SLC44A5: variants seen among roughly 807,000 people sequenced by gnomAD.
The protein encoded by SLC44A5 is solute carrier family 44 member 5, also known as choline transporter-like protein 5.
In SLC44A5, 57 loss-of-function variants were observed where a neutral mutation model predicts 101.8. The observed-to-expected ratio is 0.56, with a 90% confidence interval of 0.45 to 0.70. SLC44A5 has a LOEUF of 0.70. SLC44A5 is among the 30% of genes least tolerant of loss of function. SLC44A5 has a pLI of 0.00. For missense variants in SLC44A5, 737 were observed against 853.1 expected, an observed-to-expected ratio of 0.86 and a Z score of 1.70; for synonymous variants, 281 against 290.9, an observed-to-expected ratio of 0.97 and a Z score of 0.35.
At chr1:75,553,456 G>A (rs1051853363) in intron 1 of SLC44A5, among the ~76,000 whole-genome samples, 1 of 152,122 alleles carries the variant, frequency 6.6e-6, no homozygotes, top group African/African-American at 2.4e-5. Context: ...ACTGGTCTGA[G>A]GGAAGCTAGA....
rs753163680 is a variant in SLC44A5 at position 75,215,829 on chromosome 1, T to C, written c.1653A>G (p.Leu551=). The change falls in exon 19 of 24, where the codon CTA becomes CTG. Residue 551 remains leucine (L), a synonymous_variant. Transcript: ENST00000370859. ...AGAAGCAGCATCTCAGGCAGCATTG[T>C]AGGAATTTAGACAATGTGTTCTGGG... ...KRTQNTLSKF[L]QCCLRCCFWC... 1.9e-6 allele frequency: 3 copies of C among 1,604,502 alleles called. No homozygotes were observed. The highest frequency in any genetic ancestry group is 2.6e-6 in the Non-Finnish European group (3 of 1,171,936).
rs371682308 is a variant in SLC44A5, at chr1:75,597,107, G to C, written c.-70+13933C>G. ...GGAGGCTGAAGTGGGAGGATGGCTT[G>C]AGCCTGGGAGGTGGAGGTTGCACTG... On this transcript the variant is annotated intron_variant, in intron 1 of 23. Coordinates refer to ENST00000370859, the MANE Select transcript of SLC44A5 (RefSeq NM_001130058.2). Among the ~76,000 whole-genome samples, 15 of 151,328 alleles carry C rather than the reference G, an allele frequency of 9.9e-5. No homozygotes were observed. The East Asian group carries it at 2.1e-3, about 22-fold the overall frequency.
intron 2 of SLC44A5, among the ~76,000 whole-genome samples, chr1:75,515,873 G>T (rs1307903281): frequency 6.6e-6 from 1 of 151,222 alleles, no homozygotes; most frequent in Admixed American, 6.6e-5. Context: ...CCATCACAGT[G>T]TACAAGGGTT....
At chr1:75,361,203 G>A (rs1026595501) in intron 3 of SLC44A5, among the ~76,000 whole-genome samples, 1 of 151,890 alleles carries the variant, frequency 6.6e-6, no homozygotes, top group Non-Finnish European at 1.5e-5. Context: ...CAGTTTTTTG[G>A]TGGAATCTTT....
intron 3 of SLC44A5, among the ~76,000 whole-genome samples, chr1:75,360,623 G>T (rs1035567643): frequency 3.9e-5 from 6 of 152,144 alleles, no homozygotes; most frequent in Non-Finnish European, 1.5e-5. Context: ...GAATGTAAAT[G>T]TGTGAGTTTT....
intron 1 of SLC44A5, chr1:75,582,383 GC>G: frequency 1.2e-6 from 1 of 804,076 alleles, no homozygotes; most frequent in Non-Finnish European, 2.1e-6. Flanking sequence ...CCATCGACTT[GC>G]CCACATTGCC....
chr1:75,630,051 C>G, the SLC44A5 span, among the ~76,000 whole-genome samples: 2 of 152,144 alleles, frequency 1.3e-5, no homozygotes. Context: ...CTAGCTCCAT[C>G]CCCCCAATTT....
chr1:75,264,128 TAA>T (rs60140695), intron 6 of SLC44A5, among the ~76,000 whole-genome samples: 93,602 of 141,522 alleles, frequency 0.66, 31,703 homozygotes, highest in East Asian at 0.91. Context: ...TTAAAGTATT[TAA>T]AAAAAAAAAA....
At chr1:75,695,510 C>T in the SLC44A5 span, among the ~76,000 whole-genome samples, 2 of 151,886 alleles carry the variant, frequency 1.3e-5, no homozygotes, top group African/African-American at 4.8e-5. Context: ...AGGAATTTAG[C>T]ATCTGTTAAT....
chr1:75,636,691 A>T, the SLC44A5 span, among the ~76,000 whole-genome samples: 1 of 152,164 alleles, frequency 6.6e-6, no homozygotes, highest in Non-Finnish European at 1.5e-5. Flanking sequence ...GAAACAAAGA[A>T]ATAAATAACT....
intron 4 of SLC44A5, among the ~76,000 whole-genome samples, chr1:75,327,008 T>C (rs1248974035): frequency 2.0e-5 from 3 of 152,078 alleles, no homozygotes; most frequent in African/African-American, 7.2e-5. Context: ...GTAAATCAAC[T>C]ATGGTATGAA....
intron 2 of SLC44A5, among the ~76,000 whole-genome samples, chr1:75,452,957 A>G (rs1377576621): frequency 3.9e-5 from 6 of 152,152 alleles, no homozygotes; most frequent in African/African-American, 2.4e-5. Context: ...TCAGCTTCCC[A>G]CCAAAAACAC....
the SLC44A5 span, among the ~76,000 whole-genome samples, chr1:75,670,088 A>G: frequency 1.5e-3 from 235 of 152,300 alleles, no homozygotes; most frequent in Middle Eastern, 3.4e-3. Flanking sequence ...AAATTACAAG[A>G]CTTCTAAAAT....
chr1:75,362,233 T>TA (rs992967998), intron 3 of SLC44A5, among the ~76,000 whole-genome samples: 20 of 151,964 alleles, frequency 1.3e-4, no homozygotes, highest in Admixed American at 2.0e-4. Flanking sequence ...CTTGTTTTTT[T>TA]AAAAAAATGT....
At chr1:75,547,403 A>T (rs1671709395) in intron 1 of SLC44A5, among the ~76,000 whole-genome samples, 1 of 152,230 alleles carries the variant, frequency 6.6e-6, no homozygotes, top group Non-Finnish European at 1.5e-5. Flanking sequence ...GAAATTTTAA[A>T]TAAGTGGAAC....
chr1:75,221,702 TTACATG>T (rs1224397539), intron 14 of SLC44A5, among the ~76,000 whole-genome samples: 1 of 152,158 alleles, frequency 6.6e-6, no homozygotes, highest in Non-Finnish European at 1.5e-5. Context: ...GAAAATAATA[TTACATG>T]TAATCTAGCT....
intron 5 of SLC44A5, among the ~76,000 whole-genome samples, chr1:75,278,232 TA>T (rs1570549677): frequency 3.3e-5 from 2 of 60,400 alleles, no homozygotes; most frequent in East Asian, 6.7e-3. Context: ...TTTAAGTAAA[TA>T]AAATATATTA....
At chr1:75,631,539 A>ATTTTTTTTT in the SLC44A5 span, among the ~76,000 whole-genome samples, 4 of 80,848 alleles carry the variant, frequency 4.9e-5, no homozygotes, top group Non-Finnish European at 6.6e-5. Flanking sequence ...CACCTGGCTA[A>ATTTTTTTTT]TTTTTTTTTT....
At chr1:75,293,628 C>T (rs1653741744) in intron 5 of SLC44A5, among the ~76,000 whole-genome samples, 1 of 152,204 alleles carries the variant, frequency 6.6e-6, no homozygotes, top group South Asian at 2.1e-4. Flanking sequence ...GTGTTGATGA[C>T]ACCGCTGCTA....
Sources: gnomAD v4.1 joint callset for allele counts (sites outside exome capture counted in the v4.1 genomes callset) on GRCh38, gnomAD v4.1.1 for gene constraint, MANE v1.5 for transcripts, NCBI Gene and HGNC (gene_info 2026-07-23, HGNC 2026-07-21) for gene names.